Variants in EYS observed in about 807,000 individuals in gnomAD.
EYS encodes protein eyes shut homolog.
A neutral mutation model predicts 282.1 loss-of-function variants in EYS; 250 were observed. That is an observed-to-expected ratio of 0.89 (90% CI 0.80 to 0.98). The LOEUF (loss-of-function observed/expected upper bound fraction) is 0.98, where lower values mean the gene tolerates loss of function less well. Among genes scored for constraint, EYS ranks in the 50% least tolerant of loss-of-function variants. EYS has a pLI of 0.00. For synonymous variants in EYS, 1,355 were observed against 1,282.9 expected, an observed-to-expected ratio of 1.06 and a Z score of -1.20; for missense variants, 4,016 against 3,709.0, an observed-to-expected ratio of 1.08 and a Z score of -2.15.
chr6:65,469,379 A>T (rs1338565467), intron 5 of EYS, among the ~76,000 whole-genome samples: 1 of 152,046 alleles, frequency 6.6e-6, no homozygotes, highest in Non-Finnish European at 1.5e-5. Flanking sequence ...ATACTTTTGA[A>T]TCTTCATAAA....
chr6:63,806,642 C>A (rs946875948), intron 36 of EYS, among the ~76,000 whole-genome samples: 2 of 152,050 alleles, frequency 1.3e-5, no homozygotes, highest in African/African-American at 4.8e-5. Context: ...AAAAGCAAAC[C>A]CCTATATTTT....
intron 13 of EYS, among the ~76,000 whole-genome samples, chr6:64,999,772 G>A (rs1436096367): frequency 2.0e-5 from 3 of 152,146 alleles, no homozygotes; most frequent in African/African-American, 7.2e-5. Flanking sequence ...ACTGACAAGC[G>A]CCGGCACGCT....
chr6:64,531,855 T>G (rs1338169390), intron 26 of EYS, among the ~76,000 whole-genome samples: 1 of 152,150 alleles, frequency 6.6e-6, no homozygotes, highest in Non-Finnish European at 1.5e-5. Flanking sequence ...CATTCGAAAC[T>G]CTTTCCCATG....
At chr6:64,721,380 A>T (rs1771573730) in intron 22 of EYS, among the ~76,000 whole-genome samples, 2 of 152,166 alleles carry the variant, frequency 1.3e-5, no homozygotes, top group African/African-American at 2.4e-5. Flanking sequence ...CTGAGCAAAT[A>T]AAAAGGAGGT....
At chr6:64,829,752 C>T (rs1001412450) in intron 19 of EYS, among the ~76,000 whole-genome samples, 6 of 151,808 alleles carry the variant, frequency 4.0e-5, no homozygotes, top group Admixed American at 2.0e-4. Context: ...GCTTTGTTCC[C>T]AATAGGTATA....
chr6:64,738,034 T>C (rs1772239328), intron 22 of EYS, among the ~76,000 whole-genome samples: 1 of 144,528 alleles, frequency 6.9e-6, no homozygotes, highest in African/African-American at 2.5e-5. Flanking sequence ...GGTATAGAGG[T>C]TGGTAGCATG....
intron 22 of EYS, among the ~76,000 whole-genome samples, chr6:64,688,067 G>A (rs1770224693): frequency 6.6e-6 from 1 of 151,576 alleles, no homozygotes; most frequent in South Asian, 2.1e-4. Flanking sequence ...GATCGGTGGT[G>A]GTATCCCCTT....
At chr6:63,878,779 G>A (rs1431488169) in intron 35 of EYS, among the ~76,000 whole-genome samples, 3 of 152,228 alleles carry the variant, frequency 2.0e-5, no homozygotes, top group Non-Finnish European at 2.9e-5. Flanking sequence ...TCTGAGCCAG[G>A]CACGGGATAT....
chr6:65,074,944 G>T (rs909167952), intron 12 of EYS, among the ~76,000 whole-genome samples: 1 of 151,816 alleles, frequency 6.6e-6, no homozygotes, highest in African/African-American at 2.4e-5. Flanking sequence ...TAAGAGTTTC[G>T]GTAATTTTTA....
chr6:65,228,043 T>C lies in EYS; in HGVS notation c.2023+67820A>G, dbSNP rs1766674381. ...ATATATTTAATACTACTGAATTATA[T>C]GTTTTAAAATGGGTTAAAATGTTAA... On this transcript the variant is annotated intron_variant, in intron 12 of 42. Coordinates refer to ENST00000503581, the MANE Select transcript of EYS (RefSeq NM_001142800.2). Among the ~76,000 whole-genome samples, 2 of 151,836 alleles carry C rather than the reference T, an allele frequency of 1.3e-5. 1 individual carries two copies. Among genetic ancestry groups the C allele is most frequent in the African/African-American group, 4.8e-5 (2 of 41,428 alleles).
In EYS at chr6:64,258,227, T is replaced by C. The variant is rs149648081; in HGVS notation, c.6192-27403A>G. ...TGAAATAGGCTGCTTATTTCAAATTTCTAATTTTCAGGAGTTACAAGTCAA... is the reference window on the plus strand; with the variant it reads ...TGAAATAGGCTGCTTATTTCAAATTCCTAATTTTCAGGAGTTACAAGTCAA... On this transcript the variant is annotated intron_variant, in intron 30 of 42. Transcript: ENST00000503581. Among the ~76,000 whole-genome samples the C allele has an allele frequency of 4.7e-3, 713 of 152,174 alleles. 4 individuals carry two copies. Among genetic ancestry groups the C allele is most frequent in the African/African-American group, 0.016 (680 of 41,550 alleles).
At chr6:64,502,310 G>C (rs989201923) in intron 26 of EYS, among the ~76,000 whole-genome samples, 3 of 152,010 alleles carry the variant, frequency 2.0e-5, no homozygotes, top group Non-Finnish European at 2.9e-5. Context: ...GCGCGATCTC[G>C]ACTCACTGCA....
intron 12 of EYS, among the ~76,000 whole-genome samples, chr6:65,069,001 G>C (rs1027325490): frequency 6.6e-6 from 1 of 152,022 alleles, no homozygotes; most frequent in African/African-American, 2.4e-5. Flanking sequence ...GACAATAGAA[G>C]GCAGAAGAGA....
At chr6:64,791,779 T>G (rs1444457682) in intron 22 of EYS, among the ~76,000 whole-genome samples, 2 of 151,996 alleles carry the variant, frequency 1.3e-5, no homozygotes, top group African/African-American at 4.8e-5. Flanking sequence ...AAAGGAAAAA[T>G]TATGCTATGT....
At chr6:64,660,457 G>T (rs1420852938) in intron 22 of EYS, among the ~76,000 whole-genome samples, 2 of 151,964 alleles carry the variant, frequency 1.3e-5, no homozygotes, top group Non-Finnish European at 2.9e-5. Context: ...GTCCCTGTTT[G>T]CAGATGACAT....
chr6:65,332,185 TGA>T (rs1031479005), intron 11 of EYS: 20 of 506,486 alleles, frequency 3.9e-5, no homozygotes, highest in African/African-American at 3.7e-4. Flanking sequence ...CTTTATTTGT[TGA>T]GTGTTTGTTT....
At chr6:65,387,316 A>G (rs1367806150) in intron 7 of EYS, among the ~76,000 whole-genome samples, 3 of 151,918 alleles carry the variant, frequency 2.0e-5, no homozygotes, top group Non-Finnish European at 4.4e-5. Context: ...CATCACCAGC[A>G]TTTTGGTAAA....
intron 20 of EYS, 51 bp downstream of exon 20, chr6:64,822,600 A>G: frequency 7.3e-7 from 1 of 1,379,044 alleles, no homozygotes; most frequent in Non-Finnish European, 9.8e-7. Flanking sequence ...AGTCTTAAAT[A>G]TTGTGAGTTA....
At chr6:65,531,630 A>T (rs959794831) in intron 2 of EYS, among the ~76,000 whole-genome samples, 1 of 152,196 alleles carries the variant, frequency 6.6e-6, no homozygotes, top group African/African-American at 2.4e-5. Context: ...CATAAATATT[A>T]AAGTCAAGGC....
Sources: allele counts gnomAD v4.1 joint callset (sites outside exome capture counted in the v4.1 genomes callset), GRCh38; gene constraint gnomAD v4.1.1; transcripts MANE v1.5; gene names NCBI Gene and HGNC (gene_info 2026-07-23, HGNC 2026-07-21).